The following FSTL4 variants were observed in gnomAD, a reference collection of about 807,000 sequenced individuals.
FSTL4 encodes follistatin-related protein 4.
A neutral mutation model predicts 78.2 loss-of-function variants in FSTL4; 28 were observed. The observed-to-expected ratio is 0.36, with a 90% CI of 0.27 to 0.49. The LOEUF (loss-of-function observed/expected upper bound fraction) is 0.49. Among genes scored for constraint, FSTL4 ranks in the 20% least tolerant of loss-of-function variants. The pLI, the probability that FSTL4 is intolerant of heterozygous loss-of-function variation, is 0.98. For synonymous variants in FSTL4, 422 were observed against 440.5 expected (o/e 0.96, Z 0.53); for missense variants, 922 against 1,084.9 (o/e 0.85, Z 2.11).
the FSTL4 span, among the ~76,000 whole-genome samples, chr5:133,707,072 C>A: frequency 6.6e-6 from 1 of 152,180 alleles, no homozygotes; most frequent in Non-Finnish European, 1.5e-5. Flanking sequence ...GGTGAGTTTC[C>A]CTCTTCTACA....
At chr5:133,488,533 C>A (rs1459478701) in intron 3 of FSTL4, among the ~76,000 whole-genome samples, 2 of 152,118 alleles carry the variant, frequency 1.3e-5, no homozygotes, top group Admixed American at 1.3e-4. Context: ...AGATTACAGG[C>A]GTGAGCCACT....
chr5:133,459,263 A>T (rs1757549073), intron 3 of FSTL4, among the ~76,000 whole-genome samples: 1 of 152,132 alleles, frequency 6.6e-6, no homozygotes, highest in Non-Finnish European at 1.5e-5. Context: ...ACAGTCCCCG[A>T]GAGTGCTTTC....
chr5:133,643,403 G>A, the FSTL4 span, among the ~76,000 whole-genome samples: 1 of 152,134 alleles, frequency 6.6e-6, no homozygotes, highest in African/African-American at 2.4e-5. Flanking sequence ...TGGCTCTTCA[G>A]AGCTTCCTGA....
rs537500674 is a variant in FSTL4, at chr5:133,254,708, C to T, written c.728-5132G>A. Among the ~76,000 whole-genome samples the T allele has an allele frequency of 2.6e-5, 4 of 152,344 alleles. No homozygotes were observed. The South Asian group carries it at 6.2e-4, about 24-fold the overall frequency. On this transcript the variant is annotated intron_variant, in intron 6 of 15. Transcript: ENST00000265342. ...AACTGAAACCTGATTTAGGCTACTA[C>T]AGTCTTGCCTCCACCCTGCGCCTTC...
chr5:133,368,083 T>C (rs993862365), intron 4 of FSTL4, among the ~76,000 whole-genome samples: 2 of 152,158 alleles, frequency 1.3e-5, no homozygotes, highest in African/African-American at 2.4e-5. Context: ...TGGGAGGGGA[T>C]TGCTAAGCCC....
intron 3 of FSTL4, among the ~76,000 whole-genome samples, chr5:133,479,652 AAAGT>A (rs1267107281): frequency 6.6e-6 from 1 of 152,206 alleles, no homozygotes; most frequent in African/African-American, 2.4e-5. Context: ...ACAGTGACAA[AAAGT>A]GAGTTAGGGG....
At chr5:133,825,821 C>T in the FSTL4 span, among the ~76,000 whole-genome samples, 10 of 152,346 alleles carry the variant, frequency 6.6e-5, no homozygotes, top group African/African-American at 2.2e-4. Flanking sequence ...CTCTGATTAC[C>T]GTCAGAGCTG....
At chr5:133,795,118 G>A in the FSTL4 span, among the ~76,000 whole-genome samples, 2 of 152,236 alleles carry the variant, frequency 1.3e-5, no homozygotes, top group Non-Finnish European at 2.9e-5. Flanking sequence ...TGGGACAGAT[G>A]GAGAGTTTCT....
chr5:133,690,068 C>CACAAACAA, the FSTL4 span, among the ~76,000 whole-genome samples: 7,097 of 149,758 alleles, frequency 0.047, 569 homozygotes, highest in African/African-American at 0.16. Context: ...TTTCAAAACA[C>CACAAACAA]ACAAACAAAC....
chr5:133,407,860 A>C (rs573096029), intron 3 of FSTL4, among the ~76,000 whole-genome samples: 2 of 152,214 alleles, frequency 1.3e-5, no homozygotes, highest in Admixed American at 6.5e-5. Flanking sequence ...ATCTAAAGTG[A>C]GCATATGTTA....
intron 6 of FSTL4, among the ~76,000 whole-genome samples, chr5:133,277,516 A>C (rs1198549298): frequency 6.6e-6 from 1 of 152,208 alleles, no homozygotes; most frequent in Non-Finnish European, 1.5e-5. Context: ...CTTACTATCT[A>C]AAAAATAACT....
At chr5:133,470,582 T>G (rs923828282) in intron 3 of FSTL4, among the ~76,000 whole-genome samples, 2 of 151,892 alleles carry the variant, frequency 1.3e-5, no homozygotes, top group Non-Finnish European at 1.5e-5. Flanking sequence ...CCGTCTCTAC[T>G]AAAAATACAA....
the FSTL4 span, among the ~76,000 whole-genome samples, chr5:133,828,295 A>G: frequency 8.5e-5 from 13 of 152,318 alleles, no homozygotes; most frequent in East Asian, 2.5e-3. Flanking sequence ...GTACATATGT[A>G]TAGGTATACA....
chr5:133,265,938 G>A (rs986670004), intron 6 of FSTL4, among the ~76,000 whole-genome samples: 1 of 152,186 alleles, frequency 6.6e-6, no homozygotes, highest in African/African-American at 2.4e-5. Flanking sequence ...CACACGATGG[G>A]GGATTGTCAA....
chr5:133,533,866 C>T (rs769970911), intron 3 of FSTL4, among the ~76,000 whole-genome samples: 6 of 152,100 alleles, frequency 3.9e-5, no homozygotes, highest in Non-Finnish European at 8.8e-5. Flanking sequence ...CTTCTCTCTC[C>T]AGGTGCTCCC....
chr5:133,211,896 C>T (rs1405182002), intron 13 of FSTL4, among the ~76,000 whole-genome samples: 1 of 152,158 alleles, frequency 6.6e-6, no homozygotes, highest in Non-Finnish European at 1.5e-5. Flanking sequence ...TGATTTTTCC[C>T]ACCCTGCTGA....
At chr5:133,300,342 A>G (rs1172852976) in intron 6 of FSTL4, among the ~76,000 whole-genome samples, 1 of 152,160 alleles carries the variant, frequency 6.6e-6, no homozygotes, top group African/African-American at 2.4e-5. Flanking sequence ...GCTTTGTTCT[A>G]GAGCTTTCTA....
chr5:133,542,726 T>C (rs551509717), intron 3 of FSTL4, among the ~76,000 whole-genome samples: 1 of 152,320 alleles, frequency 6.6e-6, no homozygotes, highest in East Asian at 1.9e-4. Context: ...TTCAAATATA[T>C]TGGTGAAATA....
rs372923012 is a variant in FSTL4 at position 133,524,464 on chromosome 5, T to C, written c.160+42722A>G. ...CGAGAGCGGTGTCAACTCTGAGGAG[T>C]TTGTAGGGAATACACACCATTTGCC... On this transcript the variant is annotated intron_variant, in intron 3 of 15. Transcript: ENST00000265342. 1.3e-3 allele frequency among the ~76,000 whole-genome samples: 204 copies of C among 151,384 alleles called. 3 individuals are homozygous for C. In the South Asian group the frequency reaches 0.023, roughly 17 times the overall value.
Sources: gnomAD v4.1 joint callset for allele counts (sites outside exome capture counted in the v4.1 genomes callset) on GRCh38, gnomAD v4.1.1 for gene constraint, MANE v1.5 for transcripts, NCBI Gene and HGNC (gene_info 2026-07-23, HGNC 2026-07-21) for gene names.